UST: variants seen among roughly 807,000 people sequenced by gnomAD.
UST encodes chondroitin sulfate 2-O-sulfotransferase.
UST carries 21 observed loss-of-function variants against 45.6 expected under a neutral mutation model. The observed-to-expected ratio is 0.46, with a 90% confidence interval of 0.33 to 0.66. UST has a LOEUF of 0.66. Ranked by LOEUF, UST falls within the 30% of genes least tolerant of loss-of-function variation. The pLI is 0.02. For missense variants in UST, 463 were observed against 512.4 expected, an observed-to-expected ratio of 0.90 and a Z score of 0.93; for synonymous variants, 215 against 200.6, an observed-to-expected ratio of 1.07 and a Z score of -0.61.
chr6:148,837,182 G>C (rs985086158), intron 1 of UST, among the ~76,000 whole-genome samples: 2 of 151,990 alleles, frequency 1.3e-5, no homozygotes, highest in Admixed American at 1.3e-4. Context: ...CTGAATTTTG[G>C]AGCAATTTTG....
chr6:148,980,433 G>A (rs1781107902), intron 5 of UST, among the ~76,000 whole-genome samples: 1 of 151,972 alleles, frequency 6.6e-6, no homozygotes, highest in African/African-American at 2.4e-5. Context: ...TTCAGCTTTT[G>A]CATAGTGCTG....
intron 1 of UST, among the ~76,000 whole-genome samples, chr6:148,822,297 C>A (rs1240367873): frequency 6.6e-6 from 1 of 152,206 alleles, no homozygotes; most frequent in African/African-American, 2.4e-5. Context: ...GTTTGTTCTA[C>A]TCTTTCCTCT....
Position 149,060,439 on chromosome 6 carries a change from A to T in UST, c.938-13394A>T, listed in dbSNP as rs142896637. Among the ~76,000 whole-genome samples, 1,151 of 152,124 alleles carry T rather than the reference A, an allele frequency of 7.6e-3. 15 individuals carry two copies. The highest frequency in any genetic ancestry group is 0.026 in the African/African-American group (1,096 of 41,480). Reference sequence around the variant, plus strand: ...CTGTGAGCCGCAGTGACACACATTCATTTCCGCTGGAGGCAGCCCTAGGGA... The same window carrying T: ...CTGTGAGCCGCAGTGACACACATTCTTTTCCGCTGGAGGCAGCCCTAGGGA... On this transcript the variant is annotated intron_variant, in intron 7 of 7. Transcript: ENST00000367463.
rs1776889236 is a variant in UST, at chr6:149,076,340, A to G, written c.*2224A>G. The G allele has an allele frequency of 6.6e-6, 1 of 152,234 alleles. No homozygotes were observed. The highest frequency in any genetic ancestry group is 2.4e-5 in the African/African-American group (1 of 41,456). The allele number at this position is 152,234 out of a possible 1,614,324, so 9.4% of individuals were successfully genotyped here. ...TGTGCAATCTCACAATCTGAAAATAAAGTTGAGTTGGCTGTGTTTTCTCTG... is the reference window on the plus strand; with the variant it reads ...TGTGCAATCTCACAATCTGAAAATAGAGTTGAGTTGGCTGTGTTTTCTCTG... On this transcript the variant is annotated 3_prime_UTR_variant, in exon 8 of 8. Transcript: ENST00000367463.
chr6:148,780,415 TTC>T (rs907259362), intron 1 of UST, among the ~76,000 whole-genome samples: 10 of 152,140 alleles, frequency 6.6e-5, no homozygotes, highest in African/African-American at 2.4e-4. Context: ...TAGTTATTTT[TTC>T]TGTTTCTCTC....
intron 5 of UST, among the ~76,000 whole-genome samples, chr6:148,988,404 ACT>A (rs955764743): frequency 6.6e-6 from 1 of 151,560 alleles, no homozygotes; most frequent in Non-Finnish European, 1.5e-5. Flanking sequence ...CGAAACCCTG[ACT>A]CTACTAAAAA....
chr6:149,059,678 T>C (rs1776624089), intron 7 of UST, among the ~76,000 whole-genome samples: 1 of 152,200 alleles, frequency 6.6e-6, no homozygotes, highest in Non-Finnish European at 1.5e-5. Flanking sequence ...CAGTACAGCA[T>C]TGATGACTAA....
chr6:148,776,069 AG>A (rs1776529219), intron 1 of UST, among the ~76,000 whole-genome samples: 1 of 152,216 alleles, frequency 6.6e-6, no homozygotes, highest in African/African-American at 2.4e-5. Flanking sequence ...CATTTTTTAA[AG>A]GACATGTGAA....
chr6:148,962,718 T>A (rs1334353277), intron 4 of UST, among the ~76,000 whole-genome samples: 1 of 152,194 alleles, frequency 6.6e-6, no homozygotes, highest in East Asian at 1.9e-4. Context: ...TGTGTTCCAA[T>A]GTGGTAGTAT....
chr6:148,920,933 AAC>A, intron 2 of UST, among the ~76,000 whole-genome samples: 1 of 152,368 alleles, frequency 6.6e-6, no homozygotes, highest in Non-Finnish European at 1.5e-5. Context: ...CAGAAGGACA[AAC>A]AGCAGCTAAG....
intron 1 of UST, among the ~76,000 whole-genome samples, chr6:148,875,007 G>A (rs879310091): frequency 6.6e-5 from 10 of 152,198 alleles, no homozygotes; most frequent in Non-Finnish European, 1.3e-4. Flanking sequence ...ATAGGTAACC[G>A]GAATCCTGTG....
rs554676136 is a variant in UST at position 148,786,634 on chromosome 6, A to T, written c.247+38957A>T. ...GTGCCACATTTTCTTTATCAAGTCT[A>T]TCACTGATGAGCATTTAGGTTGATT... is the stretch of plus-strand genomic sequence containing the variant. On this transcript the variant is annotated intron_variant, in intron 1 of 7. Transcript: ENST00000367463. Among the ~76,000 whole-genome samples the T allele has an allele frequency of 1.4e-4, 21 of 152,276 alleles. No homozygotes were observed. In the South Asian group the frequency reaches 2.7e-3, roughly 20 times the overall value.
intron 3 of UST, among the ~76,000 whole-genome samples, chr6:148,943,709 A>G (rs1182866869): frequency 6.6e-6 from 1 of 152,236 alleles, no homozygotes; most frequent in Non-Finnish European, 1.5e-5. Flanking sequence ...AACTTCTAGC[A>G]TAATCTGTGT....
intron 5 of UST, among the ~76,000 whole-genome samples, chr6:148,984,787 G>A (rs989721428): frequency 2.0e-5 from 3 of 152,196 alleles, no homozygotes; most frequent in Non-Finnish European, 2.9e-5. Flanking sequence ...GGGATTACAG[G>A]CATGAGCCAC....
At chr6:149,032,916 C>A (rs1352660499) in intron 7 of UST, among the ~76,000 whole-genome samples, 1 of 152,182 alleles carries the variant, frequency 6.6e-6, no homozygotes, top group East Asian at 1.9e-4. Context: ...AGAATTTAAT[C>A]ACTTCTACTT....
At chr6:148,951,393 G>C (rs549371239) in intron 3 of UST, among the ~76,000 whole-genome samples, 34 of 152,280 alleles carry the variant, frequency 2.2e-4, no homozygotes, top group South Asian at 1.0e-3. Flanking sequence ...TCTTCTTCAT[G>C]TGTCTTCCCA....
chr6:149,010,913 A>AAAAAAAAAAAAAAAAAAAAAAC lies in UST; in HGVS notation c.682-8220_682-8219insAAAAAAAAAAAAAAACAAAAAA, dbSNP rs755674810. ...TCTCAACCAAAAAAAAAAAAAAAAA[A>AAAAAAAAAAAAAAAAAAAAAAC]AAAAAACTGTGACTATTTATTTGTC... On this transcript the variant is annotated intron_variant, in intron 5 of 7. Coordinates refer to ENST00000367463, the MANE Select transcript of UST (RefSeq NM_005715.3). Among the ~76,000 whole-genome samples the AAAAAAAAAAAAAAAAAAAAAAC allele has an allele frequency of 5.4e-4, 50 of 92,980 alleles. 2 individuals carry two copies. The highest frequency in any genetic ancestry group is 1.4e-3 in the African/African-American group (33 of 22,926). 61.0% of individuals were successfully genotyped at this position (92,980 alleles called of 152,430 possible).
intron 1 of UST, among the ~76,000 whole-genome samples, chr6:148,819,900 C>T (rs1228628943): frequency 6.6e-6 from 1 of 152,192 alleles, no homozygotes; most frequent in African/African-American, 2.4e-5. Flanking sequence ...CTTCTGATTT[C>T]CTAACTCTTC....
intron 1 of UST, among the ~76,000 whole-genome samples, chr6:148,849,639 C>T (rs1040197489): frequency 5.9e-5 from 9 of 152,092 alleles, no homozygotes; most frequent in African/African-American, 1.9e-4. Flanking sequence ...TGCCTTTTTA[C>T]AGGGCAGCAG....
Sources: allele counts gnomAD v4.1 joint callset (sites outside exome capture counted in the v4.1 genomes callset), GRCh38; gene constraint gnomAD v4.1.1; transcripts MANE v1.5; gene names NCBI Gene and HGNC (gene_info 2026-07-23, HGNC 2026-07-21).